The following CELF4 variants were observed in gnomAD, a reference collection of about 807,000 sequenced individuals.
CELF4 encodes CUGBP Elav-like family member 4, also known as CUG-BP- and ETR-3-like factor 4.
A neutral mutation model predicts 59.9 loss-of-function variants in CELF4; 18 were observed. That is an observed-to-expected ratio of 0.30 (90% CI 0.21 to 0.45). The LOEUF (loss-of-function observed/expected upper bound fraction) is 0.45. Ranked by LOEUF, CELF4 falls within the 20% of genes least tolerant of loss-of-function variation. The pLI, the probability that CELF4 is intolerant of heterozygous loss-of-function variation, is 1.00. For synonymous variants in CELF4, 261 were observed against 267.1 expected (o/e 0.98, Z 0.22); for missense variants, 456 against 689.0 (o/e 0.66, Z 3.79).
intron 2 of CELF4, among the ~76,000 whole-genome samples, chr18:37,393,986 G>A (rs1298871509): frequency 1.3e-5 from 2 of 151,414 alleles, no homozygotes; most frequent in Non-Finnish European, 2.9e-5. Context: ...GGATTTGCAT[G>A]ACAAAAGCAC....
intron 2 of CELF4, among the ~76,000 whole-genome samples, chr18:37,450,293 T>G (rs770390713): frequency 5.3e-5 from 8 of 151,840 alleles, no homozygotes; most frequent in Admixed American, 1.3e-4. Flanking sequence ...CCATTGTGGC[T>G]GGAAAAAAAC....
At chr18:37,476,475 G>A (rs2099849421) in intron 2 of CELF4, among the ~76,000 whole-genome samples, 1 of 152,168 alleles carries the variant, frequency 6.6e-6, no homozygotes, top group African/African-American at 2.4e-5. Flanking sequence ...GCCCTAGAGA[G>A]ACCTTATCTC....
At position 37,265,010 on chromosome 18, in the gene CELF4, T is replaced by C. The variant is rs2076731677; in HGVS notation, c.1166-253A>G. On this transcript the variant is annotated intron_variant, in intron 9 of 12. Transcript: ENST00000420428. ...TGTACATTACATGCATACATGCATGTACGTGTGGGGATGTGTGTGTACGTG... is the reference window on the plus strand; with the variant it reads ...TGTACATTACATGCATACATGCATGCACGTGTGGGGATGTGTGTGTACGTG... Among the ~76,000 whole-genome samples the C allele has an allele frequency of 2.0e-5, 3 of 151,414 alleles. No homozygotes were observed. In the South Asian group the frequency reaches 6.3e-4, roughly 32 times the overall value.
At chr18:37,433,615 G>A (rs922559011) in intron 2 of CELF4, among the ~76,000 whole-genome samples, 1 of 152,224 alleles carries the variant, frequency 6.6e-6, no homozygotes, top group Non-Finnish European at 1.5e-5. Context: ...GGCCACGATT[G>A]TCCTTGTCTT....
At chr18:37,552,351 G>A (rs558823357) in intron 1 of CELF4, among the ~76,000 whole-genome samples, 4 of 152,222 alleles carry the variant, frequency 2.6e-5, no homozygotes, top group African/African-American at 9.6e-5. Context: ...CCTGCAGGGG[G>A]CCATGGTATG....
chr18:37,306,772 G>A lies in CELF4; in HGVS notation c.448+15031C>T, dbSNP rs144014853. Among the ~76,000 whole-genome samples the A allele has an allele frequency of 2.6e-3, 400 of 152,276 alleles. 1 individual carries two copies. The highest frequency in any genetic ancestry group is 9.3e-3 in the African/African-American group (386 of 41,562). ...GGAGGCCGACACATTTCTTCCCATG[G>A]GGCCCAGCGCTGATGGTGCCACCAA... On this transcript the variant is annotated intron_variant, in intron 3 of 12. Coordinates refer to ENST00000420428, the MANE Select transcript of CELF4 (RefSeq NM_020180.4).
chr18:37,454,769 T>A lies in CELF4; in HGVS notation c.369+30756A>T, dbSNP rs572770913. 7.9e-5 allele frequency among the ~76,000 whole-genome samples: 12 copies of A among 152,268 alleles called. No individual in the cohort carries two copies. In the South Asian group the frequency reaches 1.9e-3, roughly 24 times the overall value. On this transcript the variant is annotated intron_variant, in intron 2 of 12. Transcript: ENST00000420428. ...TGTTAACACAATAAAATATATTTTT[T>A]AAAAATAACATGATTAACCTTGGGA...
chr18:37,351,613 T>A (rs1603624499), intron 2 of CELF4, among the ~76,000 whole-genome samples: 1 of 932 alleles, frequency 1.1e-3, no homozygotes, highest in East Asian at 0.056. Flanking sequence ...TTCTTCTTCT[T>A]TTTTTTTTTT....
chr18:37,515,566 C>T (rs928375867), intron 1 of CELF4, among the ~76,000 whole-genome samples: 3 of 152,158 alleles, frequency 2.0e-5, no homozygotes, highest in African/African-American at 4.8e-5. Flanking sequence ...GCATCAAGAC[C>T]GTAACGCTGG....
chr18:37,264,980 G>A (rs72900320), intron 9 of CELF4, among the ~76,000 whole-genome samples: 22,420 of 151,306 alleles, frequency 0.15, 2,103 homozygotes, highest in Non-Finnish European at 0.2. Context: ...GTGTGTGTGC[G>A]TGTGTGTACA....
chr18:37,316,246 G>A (rs2096866344), intron 3 of CELF4, among the ~76,000 whole-genome samples: 2 of 152,138 alleles, frequency 1.3e-5, no homozygotes, highest in Admixed American at 6.5e-5. Context: ...GGCAGGCAGG[G>A]AGGGGCCTGC....
At chr18:37,270,145 T>G (rs1359313153) in intron 8 of CELF4, among the ~76,000 whole-genome samples, 2 of 152,004 alleles carry the variant, frequency 1.3e-5, no homozygotes, top group East Asian at 1.9e-4. Flanking sequence ...GGAAAAAAGG[T>G]AATCAGGAGC....
chr18:37,533,222 C>T (rs1775115547), intron 1 of CELF4, among the ~76,000 whole-genome samples: 1 of 152,236 alleles, frequency 6.6e-6, no homozygotes, highest in Admixed American at 6.5e-5. Flanking sequence ...TGTCTTGGTT[C>T]ACAGACATTA....
chr18:37,293,751 T>C (rs536313464), intron 3 of CELF4, among the ~76,000 whole-genome samples: 40 of 152,318 alleles, frequency 2.6e-4, no homozygotes, highest in Admixed American at 2.0e-4. Flanking sequence ...CCTAAGAGGT[T>C]ATCTGATGGG....
At chr18:37,458,059 T>C (rs1177643453) in intron 2 of CELF4, among the ~76,000 whole-genome samples, 11 of 151,998 alleles carry the variant, frequency 7.2e-5, no homozygotes, top group African/African-American at 2.4e-4. Flanking sequence ...ACTCTAACAG[T>C]ATAAGTTTTA....
intron 2 of CELF4, among the ~76,000 whole-genome samples, chr18:37,480,164 G>A (rs1343209413): frequency 6.6e-6 from 1 of 152,174 alleles, no homozygotes; most frequent in Non-Finnish European, 1.5e-5. Context: ...AATACACTCA[G>A]CAAGAGGAAG....
intron 2 of CELF4, among the ~76,000 whole-genome samples, chr18:37,414,748 C>T (rs191160624): frequency 2.6e-5 from 4 of 152,126 alleles, no homozygotes; most frequent in East Asian, 1.9e-4. Context: ...CCACCCACCT[C>T]GGCCTCCCAA....
Position 37,253,840 on chromosome 18 carries a change from G to A in CELF4, c.1432C>T (p.Arg478Trp). 6.2e-7 allele frequency: 1 copy of A among 1,607,150 alleles called. No individual in the cohort carries two copies. The highest frequency in any genetic ancestry group is 2.3e-5 in the East Asian group (1 of 44,392). Residue 478 changes from arginine (R) to tryptophan (W), a missense_variant, in exon 12 of 13, where the codon CGG becomes TGG. By Grantham distance (101) the Arg-to-Trp change is moderately radical. Around this residue, in one of 7 missense-constraint regions of CELF4, gnomAD observed 256 missense variants for 340.8 expected, o/e 0.75. Coordinates refer to ENST00000420428, the MANE Select transcript of CELF4 (RefSeq NM_020180.4). The surrounding 1 kb of genome is among the most constrained non-coding windows in gnomAD (Gnocchi z 4.5). The stretch of plus-strand genomic sequence containing the variant: ...TACGGGCGATTGGCGTCTTTGGGCC[G>A]CTTCAGCTGCACCTTGAGCCTCTTC... The part of the protein sequence containing the change: ...GMKRLKVQLK[R>W]PKDANRPY
intron 1 of CELF4, among the ~76,000 whole-genome samples, chr18:37,540,512 G>T (rs972636007): frequency 3.9e-5 from 6 of 152,200 alleles, no homozygotes; most frequent in African/African-American, 1.4e-4. Flanking sequence ...GGCTGGTGGG[G>T]GTGGCTGGGT....
Sources: gnomAD v4.1 joint callset for allele counts (sites outside exome capture counted in the v4.1 genomes callset) on GRCh38, gnomAD v4.1.1 for gene constraint, gnomAD v4.1.1 regional missense constraint, Gnocchi (gnomAD v3.1) non-coding constraint, MANE v1.5 for transcripts, NCBI Gene and HGNC (gene_info 2026-07-23, HGNC 2026-07-21) for gene names.